The following DNM2 variants were observed in gnomAD, a reference collection of about 807,000 sequenced individuals.
The protein encoded by DNM2 is dynamin 2.
A neutral mutation model predicts 99.0 loss-of-function variants in DNM2; 15 were observed. That is an observed-to-expected ratio of 0.15 (90% confidence interval 0.10 to 0.23). DNM2 has a LOEUF of 0.23. DNM2 is among the 10% of genes least tolerant of loss of function. DNM2 has a pLI of 1.00. For missense variants in DNM2, 742 were observed against 1,189.4 expected (o/e 0.62, Z 5.53); for synonymous variants, 525 against 481.2 (o/e 1.09, Z -1.19).
intron 1 of DNM2, among the ~76,000 whole-genome samples, chr19:10,720,371 C>T (rs2068900229): frequency 6.6e-6 from 1 of 151,828 alleles, no homozygotes; most frequent in Admixed American, 6.6e-5. Flanking sequence ...TACCACCAAG[C>T]CCAACTAATT....
intron 5 of DNM2, 33 bp downstream of exon 5, chr19:10,777,249 G>A (rs1222265227): frequency 5.6e-6 from 9 of 1,603,034 alleles, no homozygotes; most frequent in East Asian, 2.2e-5. Context: ...GAAGCAGGAG[G>A]ATGGGTGGGG....
intron 11 of DNM2, among the ~76,000 whole-genome samples, chr19:10,800,379 C>T (rs1216691627): frequency 6.6e-6 from 1 of 152,194 alleles, no homozygotes; most frequent in East Asian, 1.9e-4. Context: ...ACCTATGCCT[C>T]ATAGCTGCTG....
chr19:10,718,166 A>G lies in DNM2; in HGVS notation c.-77A>G. On this transcript the variant is annotated 5_prime_UTR_variant, in exon 1 of 21. Coordinates refer to ENST00000389253, the MANE Select transcript of DNM2 (RefSeq NM_001005361.3). ...GGCGGGCGGGGAGCAACGGCTACAG[A>G]CGCCGCGGGGCCAGGTCGTTGAGGG... is the stretch of plus-strand genomic sequence containing the variant. 7.7e-7 allele frequency: 1 copy of G among 1,292,092 alleles called. No homozygotes were observed. Among genetic ancestry groups the G allele is most frequent in the South Asian group, 2.3e-5 (1 of 43,682 alleles). The allele number at this position is 1,292,092 out of a possible 1,614,324, so 80.0% of individuals were successfully genotyped here. A position where few individuals can be genotyped will look rare whatever the true frequency, so the allele number is the denominator to read the frequency against.
At chr19:10,792,804 C>T (rs551385608) in intron 7 of DNM2, among the ~76,000 whole-genome samples, 27 of 152,112 alleles carry the variant, frequency 1.8e-4, no homozygotes, top group Admixed American at 2.0e-4. Flanking sequence ...GACGGGGTTT[C>T]GCCATGTTGT....
At chr19:10,803,604 T>C (rs1387777327) in intron 12 of DNM2, 1 of 986,104 alleles carries the variant, frequency 1.0e-6, no homozygotes, top group Admixed American at 6.1e-5. Flanking sequence ...GACCACTCTT[T>C]CCTCTGGATT....
intron 1 of DNM2, among the ~76,000 whole-genome samples, chr19:10,720,724 G>A (rs539028238): frequency 1.3e-5 from 2 of 152,088 alleles, no homozygotes; most frequent in East Asian, 3.9e-4. Context: ...AACCAGATCC[G>A]GTTTCAAAAA....
Position 10,795,466 on chromosome 19 carries a change from T to C in DNM2, c.1196+27T>C. 3.7e-6 allele frequency: 6 copies of C among 1,613,522 alleles called. No individual in the cohort carries two copies. In the Admixed American group the frequency reaches 1.0e-4, roughly 27 times the overall value. On this transcript the variant is annotated intron_variant, in intron 9 of 20. Transcript: ENST00000389253. The surrounding 1 kb of genome is among the most constrained non-coding windows in gnomAD (Gnocchi z 4.2). ...CAAGTTCCACGAGGAGAGTCACCAC[T>C]GTTCCTTCCTCTCCGTGGTGCGACC...
At chr19:10,801,235 G>A (rs1185918706) in intron 11 of DNM2, among the ~76,000 whole-genome samples, 3 of 152,126 alleles carry the variant, frequency 2.0e-5, no homozygotes, top group Non-Finnish European at 4.4e-5. Context: ...GAACCCAGGA[G>A]GCAGAGGTTG....
intron 11 of DNM2, among the ~76,000 whole-genome samples, chr19:10,801,168 G>A (rs1355492718): frequency 6.6e-6 from 1 of 152,072 alleles, no homozygotes; most frequent in Admixed American, 6.6e-5. Context: ...TAGCCAGGTG[G>A]TGTGGCGTGC....
intron 2 of DNM2, among the ~76,000 whole-genome samples, chr19:10,771,045 G>A (rs1477888550): frequency 4.6e-5 from 7 of 152,128 alleles, no homozygotes; most frequent in East Asian, 1.9e-4. Context: ...CACCCTCCTC[G>A]GCGTCCCACA....
At position 10,772,431 on chromosome 19, in the gene DNM2, C is replaced by T. The variant is rs375023336; in HGVS notation, c.236-48C>T. ...ATTTCTCCCCGCAGTCCATGCGCAC[C>T]CTGCCCACAGCTCTTTCTCATTTTC... On this transcript the variant is annotated intron_variant, in intron 2 of 20. Coordinates refer to ENST00000389253, the MANE Select transcript of DNM2 (RefSeq NM_001005361.3). The surrounding 1 kb of genome is among the most constrained non-coding windows in gnomAD (Gnocchi z 4.9). 6.8e-6 allele frequency: 11 copies of T among 1,611,054 alleles called. No homozygotes were observed. In the Admixed American group the frequency reaches 8.3e-5, roughly 12 times the overall value.
chr19:10,728,718 C>T (rs547233088), intron 1 of DNM2, among the ~76,000 whole-genome samples: 1 of 152,180 alleles, frequency 6.6e-6, no homozygotes, highest in African/African-American at 2.4e-5. Flanking sequence ...GAGGCCAAGG[C>T]GGGCAGATCA....
rs587783595 is a variant in DNM2, at chr19:10,812,271, G to T, written c.1565G>T (p.Arg522Leu). 2 of 1,599,850 alleles carry T rather than the reference G, an allele frequency of 1.3e-6. No homozygotes were observed. The highest frequency in any genetic ancestry group is 1.7e-6 in the Non-Finnish European group (2 of 1,172,812). ...IPNQGEILVIRRGWLTINNIS... is the reference protein window; with the variant it reads ...IPNQGEILVILRGWLTINNIS... ...CTGCGCGCTTTCCCCCAGGTGATCC[G>T]CAGGGGCTGGCTGACCATCAACAAC... The change falls in exon 15 of 21, where the codon CGC (arginine) becomes CTC (leucine). Residue 522 changes from arginine to leucine, a missense_variant. By Grantham distance (102) the Arg-to-Leu change is moderately radical (BLOSUM62 -2). This residue lies in a region of DNM2 where 240 missense variants were observed against 431.3 expected (regional missense o/e 0.56). Transcript: ENST00000389253. The surrounding 1 kb of genome is among the most constrained non-coding windows in gnomAD (Gnocchi z 4.0).
intron 1 of DNM2, among the ~76,000 whole-genome samples, chr19:10,756,411 C>G (rs887100932): frequency 6.6e-6 from 1 of 152,176 alleles, no homozygotes; most frequent in African/African-American, 2.4e-5. Context: ...AGGTTCGCTC[C>G]TTTTCATGCA....
rs2145913117 is a variant in DNM2, at chr19:10,772,990, T to C, written c.385+362T>C. Among the ~76,000 whole-genome samples, 1 of 150,492 alleles carries C rather than the reference T, an allele frequency of 6.6e-6. No homozygotes were observed. Among genetic ancestry groups the C allele is most frequent in the African/African-American group, 2.4e-5 (1 of 40,992 alleles). The stretch of plus-strand genomic sequence containing the variant: ...GTAAAATATCCTGGGTTTTTTTTTT[T>C]TTTTTTTGAGACAGAGTCTTGCTCT... On this transcript the variant is annotated intron_variant, in intron 3 of 20. Transcript: ENST00000389253. The surrounding 1 kb of genome is among the most constrained non-coding windows in gnomAD (Gnocchi z 4.9).
chr19:10,742,576 C>T (rs2069793624), intron 1 of DNM2, among the ~76,000 whole-genome samples: 1 of 152,198 alleles, frequency 6.6e-6, no homozygotes, highest in African/African-American at 2.4e-5. Context: ...AGAGTCTTCA[C>T]CCAATGATCT....
chr19:10,752,844 C>T (rs1233960232), intron 1 of DNM2, among the ~76,000 whole-genome samples: 2 of 152,170 alleles, frequency 1.3e-5, no homozygotes, highest in African/African-American at 2.4e-5. Flanking sequence ...CTTGCCTCTA[C>T]AAGAAACTTA....
At position 10,798,494 on chromosome 19, in the gene DNM2, C is replaced by T. The variant is rs752934029; in HGVS notation, c.1344C>T (p.Ser448=). The part of the protein sequence containing the change: ...VIKKCAEKLS[S]YPRLREETER... ...TCTGCTTGTTCCCCCAGCTCAGTTC[C>T]TACCCCCGGTTGCGAGAGGAGACAG... The change falls in exon 11 of 21, where the codon TCC becomes TCT. Residue 448 remains serine (S), a synonymous_variant. Transcript: ENST00000389253. 1 of 1,614,190 alleles carries T rather than the reference C, an allele frequency of 6.2e-7. No homozygotes were observed. The highest frequency in any genetic ancestry group is 8.5e-7 in the Non-Finnish European group (1 of 1,180,026).
At chr19:10,767,561 GTGC>G (rs1476410306) in intron 2 of DNM2, among the ~76,000 whole-genome samples, 1 of 152,202 alleles carries the variant, frequency 6.6e-6, no homozygotes, top group East Asian at 1.9e-4. Flanking sequence ...GCCTCCCAAA[GTGC>G]TGGAGTTACA....
Sources: allele counts gnomAD v4.1 joint callset (sites outside exome capture counted in the v4.1 genomes callset), GRCh38; gene constraint gnomAD v4.1.1; regional missense constraint gnomAD v4.1.1; non-coding constraint Gnocchi (gnomAD v3.1); transcripts MANE v1.5; gene names NCBI Gene and HGNC (gene_info 2026-07-23, HGNC 2026-07-21).